The following SPAG16 variants were observed in gnomAD, a reference collection of about 807,000 sequenced individuals.
The protein encoded by SPAG16 is sperm associated antigen 16, also known as sperm-associated antigen 16 protein.
A neutral mutation model predicts 80.4 loss-of-function variants in SPAG16; 86 were observed. The observed-to-expected ratio is 1.07, with a 90% CI of 0.90 to 1.28. SPAG16 has a LOEUF of 1.28. Among genes scored for constraint, SPAG16 ranks in the 50% most tolerant of loss-of-function variants. The probability of loss-of-function intolerance (pLI) is 0.00; values close to 1 mark genes in which losing one functional copy is unlikely to be tolerated. For synonymous variants in SPAG16, 294 were observed against 265.9 expected, an observed-to-expected ratio of 1.11 and a Z score of -1.03; for missense variants, 870 against 765.3, an observed-to-expected ratio of 1.14 and a Z score of -1.61.
intron 10 of SPAG16, among the ~76,000 whole-genome samples, chr2:213,672,933 A>C (rs1416134980): frequency 6.9e-6 from 1 of 144,458 alleles, no homozygotes; most frequent in Non-Finnish European, 1.5e-5. Context: ...ATCTTGGCTC[A>C]CTGCAAGCTC....
chr2:214,303,357 G>C (rs1447559814), intron 15 of SPAG16, among the ~76,000 whole-genome samples: 3 of 152,164 alleles, frequency 2.0e-5, no homozygotes, highest in Non-Finnish European at 2.9e-5. Flanking sequence ...ATCTGGGAAA[G>C]ACTTTATTTC....
intron 5 of SPAG16, among the ~76,000 whole-genome samples, chr2:213,326,141 A>G (rs2063829857): frequency 6.6e-6 from 1 of 152,078 alleles, no homozygotes. Context: ...AGAAAATAAT[A>G]CTGATTGGGA....
At chr2:214,163,514 A>G (rs1339362274) in intron 15 of SPAG16, among the ~76,000 whole-genome samples, 2 of 151,354 alleles carry the variant, frequency 1.3e-5, no homozygotes, top group African/African-American at 2.4e-5. Flanking sequence ...GTGTGTATAT[A>G]TAAGAATGTA....
At chr2:213,404,759 G>C (rs1254139349) in intron 9 of SPAG16, among the ~76,000 whole-genome samples, 2 of 152,104 alleles carry the variant, frequency 1.3e-5, no homozygotes, top group African/African-American at 4.8e-5. Context: ...CTTTCTATAT[G>C]TTAAATCTTT....
At chr2:213,930,193 C>T (rs1302406789) in intron 12 of SPAG16, 48 bp downstream of exon 12, 5 of 1,424,652 alleles carry the variant, frequency 3.5e-6, no homozygotes, top group African/African-American at 2.9e-5. Context: ...GATACATATA[C>T]GTGGGTAAAG....
chr2:213,749,219 T>C (rs2067973004), intron 10 of SPAG16, among the ~76,000 whole-genome samples: 1 of 152,152 alleles, frequency 6.6e-6, no homozygotes, highest in East Asian at 1.9e-4. Context: ...CCACTTATTT[T>C]CTACTTTTTC....
intron 5 of SPAG16, among the ~76,000 whole-genome samples, chr2:213,330,830 T>C (rs1575222428): frequency 6.6e-6 from 1 of 152,158 alleles, no homozygotes; most frequent in African/African-American, 2.4e-5. Flanking sequence ...TGGGGGCAGG[T>C]CTTTCTCGTG....
At chr2:213,812,746 C>T (rs888429126) in intron 10 of SPAG16, among the ~76,000 whole-genome samples, 1 of 151,944 alleles carries the variant, frequency 6.6e-6, no homozygotes, top group African/African-American at 2.4e-5. Context: ...AAATATTTAG[C>T]ATTTTTTGTT....
At chr2:213,634,435 T>C (rs2062279649) in intron 10 of SPAG16, among the ~76,000 whole-genome samples, 1 of 152,168 alleles carries the variant, frequency 6.6e-6, no homozygotes, top group Non-Finnish European at 1.5e-5. Context: ...ATCTTTCTAC[T>C]TAGGATTAAA....
chr2:213,421,035 G>A (rs1389659882), intron 9 of SPAG16, among the ~76,000 whole-genome samples: 1 of 152,206 alleles, frequency 6.6e-6, no homozygotes, highest in African/African-American at 2.4e-5. Flanking sequence ...AGAGCCAGCA[G>A]GCCTGAAACA....
chr2:214,247,947 G>A (rs1689968023), intron 15 of SPAG16, among the ~76,000 whole-genome samples: 2 of 152,034 alleles, frequency 1.3e-5, no homozygotes, highest in African/African-American at 4.8e-5. Flanking sequence ...AGGATGGCTT[G>A]AGTCTAGGAG....
intron 10 of SPAG16, among the ~76,000 whole-genome samples, chr2:213,498,501 C>A (rs1306883609): frequency 6.6e-6 from 1 of 151,968 alleles, no homozygotes; most frequent in East Asian, 1.9e-4. Context: ...AGTAATAAAA[C>A]TTTTATTAGA....
chr2:213,447,236 T>A (rs2071373955), intron 9 of SPAG16, among the ~76,000 whole-genome samples: 1 of 152,178 alleles, frequency 6.6e-6, no homozygotes, highest in Non-Finnish European at 1.5e-5. Context: ...TCATCCTACT[T>A]TGCATAGGAG....
Position 213,284,483 on chromosome 2 carries a change from G to T in SPAG16, c.-1G>T. 6.4e-7 allele frequency: 1 copy of T among 1,565,476 alleles called. No individual in the cohort carries two copies. Among genetic ancestry groups the T allele is most frequent in the Non-Finnish European group, 8.7e-7 (1 of 1,155,538 alleles). ...GGGGGTGGGGGCCCGAAGCGCCAGAGATGGCTGCTCAGCGAGGGATGCCCA... is the reference window on the plus strand; with the variant it reads ...GGGGGTGGGGGCCCGAAGCGCCAGATATGGCTGCTCAGCGAGGGATGCCCA... On this transcript the variant is annotated 5_prime_UTR_variant, in exon 1 of 16. Transcript: ENST00000331683.
intron 10 of SPAG16, among the ~76,000 whole-genome samples, chr2:213,580,643 A>G (rs1444712631): frequency 6.6e-6 from 1 of 152,090 alleles, no homozygotes; most frequent in Non-Finnish European, 1.5e-5. Context: ...GTTTTTCTTT[A>G]TAACTTTTCT....
At position 214,273,430 on chromosome 2, in the gene SPAG16, A is replaced by G. The variant is rs577972906; in HGVS notation, c.1720+124164A>G. Among the ~76,000 whole-genome samples, 27 of 152,288 alleles carry G rather than the reference A, an allele frequency of 1.8e-4. No individual in the cohort carries two copies. The East Asian group carries it at 5.0e-3, about 28-fold the overall frequency. ...TAGGGTTTTTATGGTTTTAGGTCTA[A>G]CATTTAAGTCTTTAATCCATCTTGA... is the stretch of plus-strand genomic sequence containing the variant. On this transcript the variant is annotated intron_variant, in intron 15 of 15. Coordinates refer to ENST00000331683, the MANE Select transcript of SPAG16 (RefSeq NM_024532.5).
intron 10 of SPAG16, among the ~76,000 whole-genome samples, chr2:213,702,595 C>T (rs1229321410): frequency 6.6e-6 from 1 of 152,168 alleles, no homozygotes; most frequent in Non-Finnish European, 1.5e-5. Flanking sequence ...AATAATATTT[C>T]ATCTTTGTAT....
At chr2:214,108,452 C>A (rs1305696502) in intron 14 of SPAG16, among the ~76,000 whole-genome samples, 191 bp downstream of exon 14, 1 of 64,210 alleles carries the variant, frequency 1.6e-5, no homozygotes, top group East Asian at 3.2e-4. Flanking sequence ...CACACACACA[C>A]ACACACACAC....
intron 11 of SPAG16, among the ~76,000 whole-genome samples, chr2:213,873,721 C>T (rs951248141): frequency 6.6e-6 from 1 of 151,730 alleles, no homozygotes; most frequent in African/African-American, 2.4e-5. Context: ...TCAGATTTCC[C>T]TTATAATTTC....
Sources: allele counts gnomAD v4.1 joint callset (sites outside exome capture counted in the v4.1 genomes callset), GRCh38; gene constraint gnomAD v4.1.1; transcripts MANE v1.5; gene names NCBI Gene and HGNC (gene_info 2026-07-23, HGNC 2026-07-21).